Variants in CSMD2 observed in about 807,000 individuals in gnomAD.
CSMD2 encodes CUB and Sushi multiple domains 2.
A neutral mutation model predicts 398.5 loss-of-function variants in CSMD2; 130 were observed. The ratio of observed to expected loss-of-function variants is 0.33; its 90% CI spans 0.28 to 0.38. The LOEUF (loss-of-function observed/expected upper bound fraction) is 0.38, where lower values mean the gene tolerates loss of function less well. Among genes scored for constraint, CSMD2 ranks in the 10% least tolerant of loss-of-function variants. The pLI is 1.00. For synonymous variants in CSMD2, 1,828 were observed against 1,908.5 expected (o/e 0.96, Z 1.10); for missense variants, 3,829 against 4,764.9 (o/e 0.80, Z 5.78).
At chr1:34,028,534 G>A (rs868165843) in intron 3 of CSMD2, among the ~76,000 whole-genome samples, 46 of 152,218 alleles carry the variant, frequency 3.0e-4, no homozygotes, top group Middle Eastern at 6.8e-3. Flanking sequence ...CCCTGCCTCT[G>A]GCTTATCTCC....
At chr1:33,879,672 T>C (rs1209788437) in intron 5 of CSMD2, among the ~76,000 whole-genome samples, 3 of 152,204 alleles carry the variant, frequency 2.0e-5, no homozygotes, top group Non-Finnish European at 4.4e-5. Context: ...CCACCACCAC[T>C]ATAATCATGA....
At chr1:33,842,823 G>A (rs1660988504) in intron 6 of CSMD2, among the ~76,000 whole-genome samples, 1 of 152,166 alleles carries the variant, frequency 6.6e-6, no homozygotes, top group Non-Finnish European at 1.5e-5. Context: ...GAGGGCCATA[G>A]AAAGGCAGGT....
intron 37 of CSMD2, among the ~76,000 whole-genome samples, chr1:33,617,853 T>TG (rs1297145558): frequency 3.3e-5 from 5 of 152,138 alleles, no homozygotes; most frequent in Admixed American, 3.3e-4. Context: ...AAGGTGGGTG[T>TG]GATCCCAGGG....
chr1:33,562,049 C>A (rs1658607346), intron 53 of CSMD2, among the ~76,000 whole-genome samples: 1 of 151,968 alleles, frequency 6.6e-6, no homozygotes, highest in Admixed American at 6.6e-5. Context: ...GAGGAGTGAT[C>A]AAAAAAGTAG....
intron 13 of CSMD2, among the ~76,000 whole-genome samples, chr1:33,755,427 C>A (rs1394911477): frequency 1.3e-5 from 2 of 152,148 alleles, no homozygotes; most frequent in Non-Finnish European, 2.9e-5. Flanking sequence ...CTGGGCAGGG[C>A]TTATCCTTAT....
intron 2 of CSMD2, among the ~76,000 whole-genome samples, chr1:34,061,388 G>A (rs571303222): frequency 1.6e-4 from 24 of 152,248 alleles, no homozygotes; most frequent in African/African-American, 5.1e-4. Context: ...GTTTCGCAAC[G>A]GCTGGAGCGG....
chr1:34,008,997 C>T (rs1282919447), intron 3 of CSMD2, among the ~76,000 whole-genome samples: 2 of 151,668 alleles, frequency 1.3e-5, no homozygotes, highest in East Asian at 3.9e-4. Context: ...ATCCACTTTG[C>T]CTACCCCATC....
chr1:33,642,097 C>G (rs1050965606), intron 29 of CSMD2, among the ~76,000 whole-genome samples: 6 of 151,960 alleles, frequency 3.9e-5, no homozygotes, highest in Non-Finnish European at 8.8e-5. Context: ...CACCCTGTAT[C>G]ACACTTTGGG....
Position 33,792,497 on chromosome 1 carries a change from A to T in CSMD2, c.1476T>A (p.Asp492Glu). The change falls in exon 11 of 71, where the codon GAT becomes GAA. Residue 492 changes from aspartate (D) to glutamate (E), a missense_variant. Asp to Glu is a conservative substitution (Grantham distance 45, BLOSUM62 2). Transcript: ENST00000373381. ...KVIKLAFEEF[D>E]LERGYDTLTV... ...TCAGGGTGTCATAGCCCCTCTCCAA[A>T]TCAAACTCCTCAAAGGCGAGCTTGA... 1 of 1,613,940 alleles carries T rather than the reference A, an allele frequency of 6.2e-7. No homozygotes were observed. The highest frequency in any genetic ancestry group is 1.1e-5 in the South Asian group (1 of 91,064).
At chr1:33,604,514 C>CA (rs1640451359) in intron 42 of CSMD2, among the ~76,000 whole-genome samples, 2 of 152,134 alleles carry the variant, frequency 1.3e-5, no homozygotes, top group Non-Finnish European at 2.9e-5. Context: ...CTTAGAGAGG[C>CA]AAAGGGGTTT....
chr1:34,107,340 C>G (rs996967519), intron 1 of CSMD2, among the ~76,000 whole-genome samples: 4 of 152,072 alleles, frequency 2.6e-5, no homozygotes, highest in African/African-American at 9.7e-5. Flanking sequence ...GCTTCCTGCC[C>G]TCATGGAGCT....
intron 5 of CSMD2, among the ~76,000 whole-genome samples, chr1:33,859,583 G>A (rs375895350): frequency 3.9e-5 from 6 of 152,222 alleles, no homozygotes; most frequent in South Asian, 2.1e-4. Flanking sequence ...GGCTTAGGAC[G>A]CCAGCATCTT....
intron 13 of CSMD2, among the ~76,000 whole-genome samples, chr1:33,764,096 A>T (rs2149309596): frequency 6.6e-6 from 1 of 152,240 alleles, no homozygotes; most frequent in Non-Finnish European, 1.5e-5. Context: ...CTTCCCCCAT[A>T]AAGTATCTGC....
intron 3 of CSMD2, among the ~76,000 whole-genome samples, chr1:33,973,860 T>C (rs1645861882): frequency 6.6e-6 from 1 of 152,040 alleles, no homozygotes; most frequent in Admixed American, 6.5e-5. Flanking sequence ...CCTCAGTCTT[T>C]ATAGGAAAGA....
chr1:34,041,328 G>C (rs573359738), intron 2 of CSMD2, among the ~76,000 whole-genome samples: 2 of 152,278 alleles, frequency 1.3e-5, no homozygotes, highest in East Asian at 3.9e-4. Flanking sequence ...TGTGGACTGA[G>C]ACCTGAGGGT....
Position 33,675,475 on chromosome 1 carries a change from C to T in CSMD2, c.4053-12383G>A, listed in dbSNP as rs1365812722. Among the ~76,000 whole-genome samples, 4 of 152,126 alleles carry T rather than the reference C, an allele frequency of 2.6e-5. No individual in the cohort carries two copies. The South Asian group carries it at 6.2e-4, about 24-fold the overall frequency. On this transcript the variant is annotated intron_variant, in intron 25 of 70. Transcript: ENST00000373381. ...AATTGAGGCAATAATTAATAGCTTA[C>T]CAACCAAAAAAGTCCAGGACCAGAT...
At chr1:33,996,428 G>C (rs971474537) in intron 3 of CSMD2, among the ~76,000 whole-genome samples, 4 of 152,216 alleles carry the variant, frequency 2.6e-5, no homozygotes, top group Admixed American at 6.5e-5. Flanking sequence ...GCATATATCA[G>C]CTGTCAGGGC....
chr1:33,817,288 GAGA>G (rs568999821), intron 9 of CSMD2, among the ~76,000 whole-genome samples: 471 of 152,288 alleles, frequency 3.1e-3, no homozygotes, highest in African/African-American at 0.011. Flanking sequence ...AGAAAAAAGA[GAGA>G]AGAAGGCAGG....
intron 3 of CSMD2, among the ~76,000 whole-genome samples, chr1:33,975,166 A>G (rs1257175716): frequency 6.6e-6 from 1 of 152,164 alleles, no homozygotes; most frequent in Non-Finnish European, 1.5e-5. Flanking sequence ...TCCAGGGTAC[A>G]TGCCCAGCAC....
Sources: allele counts gnomAD v4.1 joint callset (sites outside exome capture counted in the v4.1 genomes callset), GRCh38; gene constraint gnomAD v4.1.1; transcripts MANE v1.5; gene names NCBI Gene and HGNC (gene_info 2026-07-23, HGNC 2026-07-21).